The following SPG11 variants were observed in gnomAD, a reference collection of about 807,000 sequenced individuals.
SPG11 encodes the protein SPG11 vesicle trafficking associated, spatacsin.
Under a neutral mutation model 274.0 loss-of-function variants are expected in SPG11, and 222 were observed. The observed-to-expected ratio is 0.81, with a 90% CI of 0.73 to 0.91. The LOEUF (loss-of-function observed/expected upper bound fraction) is 0.91. Among genes scored for constraint, SPG11 ranks in the 40% least tolerant of loss-of-function variants. The probability of loss-of-function intolerance (pLI) is 0.00; values close to 1 mark genes in which losing one functional copy is unlikely to be tolerated. For missense variants in SPG11, 3,114 were observed against 2,872.7 expected, an observed-to-expected ratio of 1.08 and a Z score of -1.92; for synonymous variants, 1,144 against 1,039.7, an observed-to-expected ratio of 1.10 and a Z score of -1.93.
chr15:44,611,086 CCCAGTAAAA>C (rs2083447717), intron 17 of SPG11, 101 bp from the exon 18 acceptor site: 1 of 220,806 alleles, frequency 4.5e-6, no homozygotes, highest in Non-Finnish European at 7.2e-6. Context: ...TAACTCTATC[CCCAGTAAAA>C]AAAAAAAAAA....
chr15:44,604,261 G>C (rs562982569), intron 20 of SPG11: 1 of 356,032 alleles, frequency 2.8e-6, no homozygotes, highest in African/African-American at 2.2e-5. Context: ...GGTCTTACCT[G>C]AAAGTACATT....
At position 44,593,712 on chromosome 15, in the gene SPG11, T is replaced by G. The variant is rs539124379; in HGVS notation, c.4636-1274A>C. On this transcript the variant is annotated intron_variant, in intron 26 of 39. Coordinates refer to ENST00000261866, the MANE Select transcript of SPG11 (RefSeq NM_025137.4). ...GTTACTTAAGTTTTGTGAGCCTTGA[T>G]TTATTAGTCTGTCAAATGAGAGCAA... Among the ~76,000 whole-genome samples, 11 of 152,224 alleles carry G rather than the reference T, an allele frequency of 7.2e-5. No homozygotes were observed. In the East Asian group the frequency reaches 2.1e-3, roughly 29 times the overall value.
chr15:44,592,369 C>T lies in SPG11; in HGVS notation c.4705G>A (p.Glu1569Lys), dbSNP rs2082923035. 1.2e-6 allele frequency: 2 copies of T among 1,612,216 alleles called. No individual in the cohort carries two copies. The highest frequency in any genetic ancestry group is 1.7e-5 in the Admixed American group (1 of 59,992). ...CMFFRNYKEA[E>K]AKLLEFQKSL... ...TTCTGAAACTCCAGAAGTTTAGCTT[C>T]AGCTTCTTTATAATTCCTGAAGAAC... is the stretch of plus-strand genomic sequence containing the variant. The change falls in exon 27 of 40, where the codon GAA (glutamate) becomes AAA (lysine). Residue 1569 changes from glutamate (E) to lysine (K), a missense_variant. Glu to Lys is a moderately conservative substitution (Grantham distance 56). Coordinates refer to ENST00000261866, the MANE Select transcript of SPG11 (RefSeq NM_025137.4).
At chr15:44,650,896 G>A (rs2412911) in intron 6 of SPG11, among the ~76,000 whole-genome samples, 48,591 of 151,790 alleles carry the variant, frequency 0.32, 9,531 homozygotes, top group South Asian at 0.48. Context: ...TACAGGTGCC[G>A]GCCACCACGC....
rs35831490 is a variant in SPG11 at position 44,611,091 on chromosome 15, T to TAAAAAAAA, written c.3146-114_3146-107dup. On this transcript the variant is annotated intron_variant, in intron 17 of 39. Transcript: ENST00000261866. ...CATAAATTTTTAACTCTATCCCCAGTAAAAAAAAAAAAAAAAAAAAAAAAA... is the reference window on the plus strand; with the variant it reads ...CATAAATTTTTAACTCTATCCCCAGTAAAAAAAAAAAAAAAAAAAAAAAAAAAAAAAAA... The TAAAAAAAA allele has an allele frequency of 3.5e-3, 247 of 70,050 alleles. 8 individuals carry two copies. Among genetic ancestry groups the TAAAAAAAA allele is most frequent in the African/African-American group, 0.015 (225 of 14,704 alleles). The allele number at this position is 70,050 out of a possible 1,614,324, so 4.3% of individuals were successfully genotyped here.
chr15:44,567,250 C>T, intron 36 of SPG11, 174 bp downstream of exon 36: 2 of 603,752 alleles, frequency 3.3e-6, no homozygotes, highest in Non-Finnish European at 5.7e-6. Flanking sequence ...ACTTGGGAGG[C>T]TGAGGCGGGA....
At chr15:44,659,372 TA>T in intron 2 of SPG11, 69 bp from the exon 3 acceptor site, 1 of 1,356,160 alleles carries the variant, frequency 7.4e-7, no homozygotes, top group Non-Finnish European at 1.0e-6. Flanking sequence ...TTTGATTTGA[TA>T]AACCTAATAC....
Position 44,621,939 on chromosome 15 carries a change from A to C in SPG11, c.2445-5T>G, listed in dbSNP as rs769824550. On this transcript the variant is annotated splice_region_variant and splice_polypyrimidine_tract_variant and intron_variant, in intron 13 of 39. Coordinates refer to ENST00000261866, the MANE Select transcript of SPG11 (RefSeq NM_025137.4). ...TCTTGTTCCTTTATCCAGTACCTAA[A>C]AACAGTGATATAAATTTTTTTTTTT... is the stretch of plus-strand genomic sequence containing the variant. The C allele has an allele frequency of 1.2e-6, 2 of 1,603,822 alleles. No individual in the cohort carries two copies. Among genetic ancestry groups the C allele is most frequent in the African/African-American group, 2.7e-5 (2 of 74,208 alleles).
intron 18 of SPG11, 27 bp downstream of exon 18, chr15:44,610,813 T>C (rs1045392811): frequency 6.2e-6 from 10 of 1,605,876 alleles, no homozygotes; most frequent in Non-Finnish European, 8.5e-6. Context: ...AAATCAGTCC[T>C]ATTTTGTCAT....
chr15:44,572,011 C>T (rs1192946940), intron 33 of SPG11, among the ~76,000 whole-genome samples: 2 of 152,342 alleles, frequency 1.3e-5, no homozygotes, highest in African/African-American at 2.4e-5. Flanking sequence ...CCAGATTGGT[C>T]TCAGACTCCT....
intron 6 of SPG11, 136 bp downstream of exon 6, chr15:44,651,355 G>C (rs1006263380): frequency 4.0e-6 from 3 of 758,498 alleles, no homozygotes; most frequent in Non-Finnish European, 6.5e-6. Context: ...CTATTACCAA[G>C]AATAACAAGA....
chr15:44,656,175 C>T (rs533396971), intron 4 of SPG11, among the ~76,000 whole-genome samples: 6 of 152,168 alleles, frequency 3.9e-5, no homozygotes, highest in Non-Finnish European at 8.8e-5. Context: ...TTTAAAAATA[C>T]AGTTGTAAAG....
At chr15:44,612,030 C>T (rs1027461536) in intron 17 of SPG11, among the ~76,000 whole-genome samples, 5 of 152,004 alleles carry the variant, frequency 3.3e-5, no homozygotes, top group African/African-American at 7.3e-5. Flanking sequence ...AGGATGGCCT[C>T]GATCTCCTGA....
In SPG11 at chr15:44,652,251, G is replaced by A; in HGVS notation, c.885C>T (p.His295=). ...LNLYFRQHPG[H]LLCERILEDL... ...CTTCTAGTATTCTTTCACACAGTAG[G>A]TGTCCTGGGTGTTGCCTACATTTAA... is the stretch of plus-strand genomic sequence containing the variant. The change falls in exon 5 of 40, where the codon CAC becomes CAT. Residue 295 remains histidine, a synonymous_variant. Transcript: ENST00000261866. 2 of 1,614,020 alleles carry A rather than the reference G, an allele frequency of 1.2e-6. No homozygotes were observed. The highest frequency in any genetic ancestry group is 1.7e-6 in the Non-Finnish European group (2 of 1,179,998).
intron 23 of SPG11, among the ~76,000 whole-genome samples, chr15:44,597,577 T>C (rs1011074305): frequency 3.3e-5 from 5 of 152,236 alleles, no homozygotes; most frequent in Non-Finnish European, 5.9e-5. Context: ...TGAGCACTTA[T>C]TTCTCTTGCT....
At chr15:44,609,994 C>T (rs1401057194) in intron 18 of SPG11, among the ~76,000 whole-genome samples, 2 of 150,514 alleles carry the variant, frequency 1.3e-5, no homozygotes, top group African/African-American at 4.9e-5. Context: ...CCTCTGCCCC[C>T]TGGGTTCAAA....
In SPG11 at chr15:44,626,615, T is replaced by C. The variant is rs370735789; in HGVS notation, c.2068-108A>G. 43 of 1,132,960 alleles carry C rather than the reference T, an allele frequency of 3.8e-5. No homozygotes were observed. The East Asian group carries it at 6.9e-4, about 18-fold the overall frequency. The allele number at this position is 1,132,960 out of a possible 1,614,324, so 70.2% of individuals were successfully genotyped here. A position where few individuals can be genotyped will look rare whatever the true frequency, so the allele number is the denominator to read the frequency against. On this transcript the variant is annotated intron_variant, in intron 10 of 39. Coordinates refer to ENST00000261866, the MANE Select transcript of SPG11 (RefSeq NM_025137.4). ...AACATCTAACAAAGGAACTTTTATT[T>C]AAAATCTATTACTAGATTTGGAGTT...
intron 19 of SPG11, among the ~76,000 whole-genome samples, chr15:44,607,305 G>A (rs371731083): frequency 2.0e-5 from 3 of 152,196 alleles, no homozygotes; most frequent in Non-Finnish European, 2.9e-5. Context: ...TTTTTGAGAC[G>A]GGGTCTCGCT....
intron 15 of SPG11, among the ~76,000 whole-genome samples, chr15:44,616,657 C>T (rs2083599481): frequency 6.6e-6 from 1 of 151,952 alleles, no homozygotes; most frequent in African/African-American, 2.4e-5. Flanking sequence ...ATGTTGATAC[C>T]TCTGGGTATA....
Sources: gnomAD v4.1 joint callset for allele counts (sites outside exome capture counted in the v4.1 genomes callset) on GRCh38, gnomAD v4.1.1 for gene constraint, MANE v1.5 for transcripts, NCBI Gene and HGNC (gene_info 2026-07-23, HGNC 2026-07-21) for gene names.